Variants in RCAN2 observed in about 807,000 individuals in gnomAD.
RCAN2 encodes the protein calcipressin-2.
RCAN2 carries 9 observed loss-of-function variants against 23.6 expected under a neutral mutation model. The observed-to-expected ratio is 0.38, with a 90% CI of 0.23 to 0.67. RCAN2 has a LOEUF of 0.67. Among genes scored for constraint, RCAN2 ranks in the 30% least tolerant of loss-of-function variants. RCAN2 has a pLI of 0.51. For missense variants in RCAN2, 273 were observed against 302.3 expected, an observed-to-expected ratio of 0.90 and a Z score of 0.72; for synonymous variants, 109 against 115.7, an observed-to-expected ratio of 0.94 and a Z score of 0.37.
chr6:46,285,301 T>C (rs1226680201), intron 2 of RCAN2, among the ~76,000 whole-genome samples: 1 of 152,222 alleles, frequency 6.6e-6, no homozygotes, highest in Admixed American at 6.5e-5. Flanking sequence ...TTTCCAGAGA[T>C]GGAGCCTGGG....
Position 46,248,735 on chromosome 6 carries a change from G to C in RCAN2, c.387C>G (p.Leu129=), listed in dbSNP as rs201620447. The C allele has an allele frequency of 4.2e-5, 67 of 1,609,306 alleles. No individual in the cohort carries two copies. Among genetic ancestry groups the C allele is most frequent in the Non-Finnish European group, 5.5e-5 (65 of 1,178,514 alleles). The part of the protein sequence containing the change: ...ETQFRGKKLK[L]YFAQVQTPET... ...ACAATTACCTTACCTGTGCAAAGTA[G>C]AGCTTTAATTTTTTCCCTCTGAATT... Residue 129 remains leucine (L), a synonymous_variant, in exon 3 of 5, where the codon CTC becomes CTG. Coordinates refer to ENST00000371374, the MANE Select transcript of RCAN2 (RefSeq NM_001251974.2).
chr6:46,369,953 T>C (rs745876586), intron 2 of RCAN2, among the ~76,000 whole-genome samples: 1 of 152,140 alleles, frequency 6.6e-6, no homozygotes, highest in Non-Finnish European at 1.5e-5. Context: ...CACAGCCTCA[T>C]AGCAAGCAAT....
intron 2 of RCAN2, among the ~76,000 whole-genome samples, chr6:46,450,506 C>T (rs975900714): frequency 6.6e-6 from 1 of 152,034 alleles, no homozygotes; most frequent in Non-Finnish European, 1.5e-5. Flanking sequence ...TTATTCATCG[C>T]AGCATTATTT....
At chr6:46,399,549 G>C (rs528467841) in intron 2 of RCAN2, among the ~76,000 whole-genome samples, 116 of 151,834 alleles carry the variant, frequency 7.6e-4, no homozygotes, top group African/African-American at 2.5e-3. Context: ...CACAGTGCTG[G>C]AGGCTGGAAG....
chr6:46,443,498 T>A (rs1317107119), intron 2 of RCAN2, among the ~76,000 whole-genome samples: 1 of 152,098 alleles, frequency 6.6e-6, no homozygotes, highest in Non-Finnish European at 1.5e-5. Context: ...ATATTTATTT[T>A]ATTTATTGCT....
intron 2 of RCAN2, among the ~76,000 whole-genome samples, chr6:46,280,854 G>A (rs1045339545): frequency 6.6e-6 from 1 of 152,138 alleles, no homozygotes; most frequent in Non-Finnish European, 1.5e-5. Flanking sequence ...ACACATGCAT[G>A]TGCATACATG....
chr6:46,483,661 G>A (rs1275913288), intron 1 of RCAN2, among the ~76,000 whole-genome samples: 3 of 152,044 alleles, frequency 2.0e-5, no homozygotes, highest in Non-Finnish European at 4.4e-5. Context: ...GAAGTGTAAT[G>A]GGCAGAACAG....
rs140473980 is a variant in RCAN2, at chr6:46,422,954, C to G, written c.225+33798G>C. Among the ~76,000 whole-genome samples, 4 of 152,296 alleles carry G rather than the reference C, an allele frequency of 2.6e-5. No individual in the cohort carries two copies. The East Asian group carries it at 7.7e-4, about 29-fold the overall frequency. ...AGTAATGCTATGTCAAGATAACCAA[C>G]TTCTTGTCAAGTATGCATTACTTTA... On this transcript the variant is annotated intron_variant, in intron 2 of 4. Coordinates refer to ENST00000371374, the MANE Select transcript of RCAN2 (RefSeq NM_001251974.2).
chr6:46,377,244 G>A (rs1299573490), intron 2 of RCAN2, among the ~76,000 whole-genome samples: 1 of 152,176 alleles, frequency 6.6e-6, no homozygotes, highest in African/African-American at 2.4e-5. Context: ...TATGCCCAAG[G>A]GGAAGCCTGG....
intron 2 of RCAN2, among the ~76,000 whole-genome samples, chr6:46,355,872 G>A (rs921114650): frequency 2.0e-5 from 3 of 152,192 alleles, no homozygotes; most frequent in Admixed American, 2.0e-4. Context: ...AAATAATGGG[G>A]ATATTTCCAG....
chr6:46,320,764 C>T (rs1763588894), intron 2 of RCAN2, among the ~76,000 whole-genome samples: 1 of 152,090 alleles, frequency 6.6e-6, no homozygotes, highest in Non-Finnish European at 1.5e-5. Context: ...TCCTAAGATT[C>T]CAAGCATATG....
At chr6:46,338,375 C>T (rs1764205699) in intron 2 of RCAN2, among the ~76,000 whole-genome samples, 1 of 152,156 alleles carries the variant, frequency 6.6e-6, no homozygotes, top group Non-Finnish European at 1.5e-5. Flanking sequence ...GTGTCACACC[C>T]TCTAGAGTCA....
intron 2 of RCAN2, among the ~76,000 whole-genome samples, chr6:46,314,343 C>T (rs1163149019): frequency 9.3e-6 from 1 of 108,046 alleles, no homozygotes; most frequent in African/African-American, 3.6e-5. Flanking sequence ...GCCTGGGCAA[C>T]AGAGTGAGAC....
chr6:46,250,543 C>T (rs1766674294), intron 2 of RCAN2, among the ~76,000 whole-genome samples: 1 of 152,130 alleles, frequency 6.6e-6, no homozygotes, highest in African/African-American at 2.4e-5. Flanking sequence ...CAACCTTTTC[C>T]TCCTCACCTC....
chr6:46,409,988 G>T (rs1399016316), intron 2 of RCAN2, among the ~76,000 whole-genome samples: 1 of 152,092 alleles, frequency 6.6e-6, no homozygotes, highest in Non-Finnish European at 1.5e-5. Flanking sequence ...CAGAACAAAA[G>T]GCAAAGGAAA....
chr6:46,402,307 C>T (rs763052469), intron 2 of RCAN2, among the ~76,000 whole-genome samples: 3 of 151,970 alleles, frequency 2.0e-5, no homozygotes, highest in East Asian at 1.9e-4. Flanking sequence ...GTGTGTACAC[C>T]GTTGGGGCTC....
chr6:46,315,581 G>A (rs1052657003), intron 2 of RCAN2, among the ~76,000 whole-genome samples: 2 of 152,162 alleles, frequency 1.3e-5, no homozygotes, highest in African/African-American at 4.8e-5. Context: ...GAGGTGCAGA[G>A]GAGATGAGGT....
chr6:46,483,643 C>T (rs1768922694), intron 1 of RCAN2, among the ~76,000 whole-genome samples: 1 of 152,046 alleles, frequency 6.6e-6, no homozygotes, highest in South Asian at 2.1e-4. Context: ...TTTACCTTGT[C>T]AAATTTTGAA....
At position 46,227,749 on chromosome 6, in the gene RCAN2, A is replaced by G. The variant is rs115764849; in HGVS notation, c.572-4448T>C. ...CAAAAAACCAGATCCCGGATTCATT[A>G]ATTTTTTGAAGGGTTTTTTTGTGTC... On this transcript the variant is annotated intron_variant, in intron 4 of 4. Transcript: ENST00000371374. 4.8e-3 allele frequency among the ~76,000 whole-genome samples: 726 copies of G among 151,870 alleles called. 2 individuals are homozygous for G. Among genetic ancestry groups the G allele is most frequent in the Non-Finnish European group, 8.4e-3 (572 of 67,914 alleles).
Sources: gnomAD v4.1 joint callset for allele counts (sites outside exome capture counted in the v4.1 genomes callset) on GRCh38, gnomAD v4.1.1 for gene constraint, MANE v1.5 for transcripts, NCBI Gene and HGNC (gene_info 2026-07-23, HGNC 2026-07-21) for gene names.